PDE7B: variants seen among roughly 807,000 people sequenced by gnomAD.
PDE7B encodes the protein 3',5'-cyclic-AMP phosphodiesterase 7B.
Under a neutral mutation model 56.2 loss-of-function variants are expected in PDE7B, and 29 were observed. The observed-to-expected ratio is 0.52, with a 90% confidence interval of 0.38 to 0.70. The LOEUF (loss-of-function observed/expected upper bound fraction) is 0.70, where lower values mean the gene tolerates loss of function less well. PDE7B is among the 30% of genes least tolerant of loss of function. The pLI is 0.00. For missense variants in PDE7B, 490 were observed against 565.0 expected (o/e 0.87, Z 1.35); for synonymous variants, 197 against 196.9 (o/e 1.00, Z 0.00).
intron 3 of PDE7B, among the ~76,000 whole-genome samples, chr6:136,113,539 A>C (rs1777783059): frequency 6.6e-6 from 1 of 152,234 alleles, no homozygotes; most frequent in South Asian, 2.1e-4. Context: ...AGATCTTTAA[A>C]GACTGTTATC....
chr6:135,929,080 G>A (rs995697910), intron 1 of PDE7B, among the ~76,000 whole-genome samples: 7 of 152,120 alleles, frequency 4.6e-5, no homozygotes, highest in Admixed American at 3.9e-4. Flanking sequence ...TATGTGGAAG[G>A]CCCTTCTGCA....
At chr6:135,964,098 G>GTT (rs369634862) in intron 2 of PDE7B, among the ~76,000 whole-genome samples, 2 of 148,602 alleles carry the variant, frequency 1.3e-5, no homozygotes, top group African/African-American at 4.9e-5. Flanking sequence ...CTTTTTCTGG[G>GTT]TTTTTTTTTT....
chr6:136,112,584 A>T (rs117711208), intron 3 of PDE7B: 1 of 151,734 alleles, frequency 6.6e-6, no homozygotes, highest in African/African-American at 2.4e-5. Context: ...CCACAAGCAC[A>T]TTCAGTCCAG....
intron 1 of PDE7B, among the ~76,000 whole-genome samples, chr6:135,859,126 T>C (rs1775095798): frequency 6.6e-6 from 1 of 151,808 alleles, no homozygotes. Context: ...TCCAGTTAGA[T>C]GAAAGAACTC....
At chr6:136,035,342 T>C (rs1421984318) in intron 2 of PDE7B, 1 of 152,216 alleles carries the variant, frequency 6.6e-6, no homozygotes, top group Non-Finnish European at 1.5e-5. Flanking sequence ...AGCTACGAAA[T>C]GTAACAAAAC....
chr6:136,187,561 CCATGCTATCCCGCCG>C (rs1168014030), intron 12 of PDE7B, among the ~76,000 whole-genome samples: 1 of 152,146 alleles, frequency 6.6e-6, no homozygotes, highest in Non-Finnish European at 1.5e-5. Flanking sequence ...AGCTTGTGAG[CCATGCTATCCCGCCG>C]CATCCTGGGA....
chr6:136,153,283 A>G (rs1398380722), intron 6 of PDE7B, among the ~76,000 whole-genome samples: 1 of 152,250 alleles, frequency 6.6e-6, no homozygotes, highest in Non-Finnish European at 1.5e-5. Context: ...ACTGTAATCC[A>G]GAGCCAGATT....
chr6:135,935,377 G>A (rs1379035299), intron 1 of PDE7B, among the ~76,000 whole-genome samples: 1 of 150,386 alleles, frequency 6.6e-6, no homozygotes, highest in African/African-American at 2.5e-5. Flanking sequence ...TCTTAGTGGA[G>A]TAATGGCATC....
intron 1 of PDE7B, among the ~76,000 whole-genome samples, chr6:135,868,677 CT>C (rs1393043217): frequency 4.6e-5 from 7 of 152,196 alleles, no homozygotes; most frequent in African/African-American, 1.7e-4. Flanking sequence ...GGTGATCTGC[CT>C]GCCTGGGCCT....
At chr6:136,098,187 A>G (rs528002659) in intron 2 of PDE7B, 1 of 147,854 alleles carries the variant, frequency 6.8e-6, no homozygotes, top group East Asian at 2.0e-4. Context: ...CATATACAGG[A>G]AGAGAAGTGG....
At chr6:136,021,576 G>A (rs762165775) in intron 2 of PDE7B, among the ~76,000 whole-genome samples, 5 of 151,772 alleles carry the variant, frequency 3.3e-5, no homozygotes, top group African/African-American at 4.8e-5. Context: ...CCCAGGAGGC[G>A]GAGGTTGCAG....
At chr6:136,103,924 C>T (rs1777604774) in intron 2 of PDE7B, among the ~76,000 whole-genome samples, 1 of 152,194 alleles carries the variant, frequency 6.6e-6, no homozygotes, top group African/African-American at 2.4e-5. Flanking sequence ...TCATCGCTGT[C>T]AGAGTCTCCA....
At chr6:136,098,132 C>CG (rs1777498363) in intron 2 of PDE7B, 1 of 33,996 alleles carries the variant, frequency 2.9e-5, no homozygotes. Flanking sequence ...TCTTTAGTTC[C>CG]TGGGGGGGGG....
chr6:136,015,360 A>G (rs1305565507), intron 2 of PDE7B, among the ~76,000 whole-genome samples: 1 of 152,242 alleles, frequency 6.6e-6, no homozygotes, highest in Non-Finnish European at 1.5e-5. Flanking sequence ...ATCAAAAACT[A>G]AATAAACCAG....
intron 8 of PDE7B, among the ~76,000 whole-genome samples, chr6:136,156,353 C>T (rs1376722907): frequency 3.3e-5 from 5 of 152,104 alleles, no homozygotes; most frequent in Admixed American, 2.6e-4. Flanking sequence ...CCACACCTGA[C>T]TAATTCTGTT....
intron 2 of PDE7B, among the ~76,000 whole-genome samples, chr6:136,016,759 T>A (rs781126360): frequency 6.6e-6 from 1 of 152,036 alleles, no homozygotes; most frequent in East Asian, 1.9e-4. Context: ...GAAGGACTTC[T>A]GGGAGAAAAA....
intron 11 of PDE7B, 148 bp from the exon 12 acceptor site, chr6:136,186,888 C>T (rs1779153143): frequency 2.1e-5 from 13 of 623,848 alleles, no homozygotes; most frequent in Admixed American, 1.6e-4. Flanking sequence ...CAGAGCAAGT[C>T]GGTGCTGAAG....
At chr6:135,910,038 T>G (rs1161106672) in intron 1 of PDE7B, among the ~76,000 whole-genome samples, 4 of 152,234 alleles carry the variant, frequency 2.6e-5, no homozygotes, top group Non-Finnish European at 1.5e-5. Flanking sequence ...GGTGTATTGC[T>G]TTTGTAGTGT....
Position 135,965,013 on chromosome 6 carries a change from C to T in PDE7B, c.82+17489C>T, listed in dbSNP as rs747442867. 1.4e-4 allele frequency among the ~76,000 whole-genome samples: 21 copies of T among 152,088 alleles called. 1 individual carries two copies. The highest frequency in any genetic ancestry group is 3.6e-4 in the African/African-American group (15 of 41,410). ...AAAATTAGCTGGGTGTGGTGGCGTG[C>T]GCCTATAATCCCAGCTACTTGGGAG... On this transcript the variant is annotated intron_variant, in intron 2 of 12. Coordinates refer to ENST00000308191, the MANE Select transcript of PDE7B (RefSeq NM_018945.4).
Sources: gnomAD v4.1 joint callset for allele counts (sites outside exome capture counted in the v4.1 genomes callset) on GRCh38, gnomAD v4.1.1 for gene constraint, MANE v1.5 for transcripts, NCBI Gene and HGNC (gene_info 2026-07-23, HGNC 2026-07-21) for gene names.